Variants in ADK observed in about 807,000 individuals in gnomAD.
ADK encodes the protein adenosine kinase, also known as N6,N6-dimethyladenosine kinase.
In ADK, 24 loss-of-function variants were observed where a neutral mutation model predicts 44.7. That is an observed-to-expected ratio of 0.54 (90% confidence interval 0.39 to 0.76). The LOEUF (loss-of-function observed/expected upper bound fraction) is 0.76, where lower values mean the gene tolerates loss of function less well. Ranked by LOEUF, ADK falls within the 30% of genes least tolerant of loss-of-function variation. The pLI is 0.00. For synonymous variants in ADK, 128 were observed against 142.6 expected (o/e 0.90, Z 0.73); for missense variants, 321 against 425.1 (o/e 0.76, Z 2.15).
At chr10:74,543,063 G>C (rs1589232990) in intron 7 of ADK, among the ~76,000 whole-genome samples, 1 of 151,802 alleles carries the variant, frequency 6.6e-6, no homozygotes, top group Non-Finnish European at 1.5e-5. Flanking sequence ...ACCACCCACG[G>C]TTAATTTTTT....
At chr10:74,254,979 G>A (rs1845775757) in intron 3 of ADK, among the ~76,000 whole-genome samples, 1 of 152,104 alleles carries the variant, frequency 6.6e-6, no homozygotes, top group Admixed American at 6.5e-5. Context: ...TATGTTGATG[G>A]TCAAAGTGAA....
rs143622006 is a variant in ADK, at chr10:74,413,039, CAA to C, written c.555+14461_555+14462del. Reference sequence around the variant, plus strand: ...CGCCATTGCACTCCAGCCTGGGTGACAAGAGTGAAACTGTCCCCAAAAAAAAA... The same window carrying C: ...CGCCATTGCACTCCAGCCTGGGTGACGAGTGAAACTGTCCCCAAAAAAAAA... On this transcript the variant is annotated intron_variant, in intron 6 of 10. Transcript: ENST00000539909. Among the ~76,000 whole-genome samples, 847 of 151,300 alleles carry C rather than the reference CAA, an allele frequency of 5.6e-3. 7 individuals carry two copies. Among genetic ancestry groups the C allele is most frequent in the African/African-American group, 0.018 (730 of 41,190 alleles).
chr10:74,217,987 A>G (rs1844130622), intron 2 of ADK, among the ~76,000 whole-genome samples: 2 of 152,248 alleles, frequency 1.3e-5, no homozygotes, highest in African/African-American at 4.8e-5. Flanking sequence ...AAAGGATCGC[A>G]GTTCCTCACC....
intron 2 of ADK, among the ~76,000 whole-genome samples, chr10:74,202,861 C>A (rs1305255676): frequency 6.6e-6 from 1 of 152,202 alleles, no homozygotes; most frequent in Non-Finnish European, 1.5e-5. Context: ...TAGACCCTAT[C>A]AGCTAGCATA....
chr10:74,368,158 G>A (rs545475769), intron 4 of ADK, among the ~76,000 whole-genome samples: 1 of 152,308 alleles, frequency 6.6e-6, no homozygotes, highest in South Asian at 2.1e-4. Context: ...GGCAGAACCT[G>A]TTGTCTAGGT....
chr10:74,207,200 C>T (rs907483614), intron 2 of ADK, among the ~76,000 whole-genome samples: 7 of 152,064 alleles, frequency 4.6e-5, no homozygotes, highest in East Asian at 3.9e-4. Flanking sequence ...CACGTCTGGA[C>T]GAGGATAATA....
intron 6 of ADK, among the ~76,000 whole-genome samples, chr10:74,430,702 A>G (rs1170508107): frequency 6.6e-6 from 1 of 152,098 alleles, no homozygotes; most frequent in African/African-American, 2.4e-5. Flanking sequence ...ATAGTAGGGA[A>G]TAAATAGTAG....
intron 9 of ADK, among the ~76,000 whole-genome samples, chr10:74,640,197 A>C (rs1373711441): frequency 2.6e-5 from 4 of 152,222 alleles, no homozygotes; most frequent in Non-Finnish European, 5.9e-5. Context: ...GATCGGTAGC[A>C]GCAGGGACTA....
At chr10:74,661,600 A>G (rs1332592464) in intron 9 of ADK, among the ~76,000 whole-genome samples, 1 of 152,202 alleles carries the variant, frequency 6.6e-6, no homozygotes, top group Non-Finnish European at 1.5e-5. Context: ...AAATGGCTAG[A>G]TCCCACCCAT....
intron 7 of ADK, among the ~76,000 whole-genome samples, chr10:74,571,918 C>A (rs1311508472): frequency 6.6e-6 from 1 of 152,154 alleles, no homozygotes; most frequent in Non-Finnish European, 1.5e-5. Context: ...AGATGGGTTT[C>A]CTGAATACAG....
chr10:74,419,332 A>C (rs916838456), intron 6 of ADK, among the ~76,000 whole-genome samples: 6 of 152,000 alleles, frequency 3.9e-5, no homozygotes, highest in Non-Finnish European at 5.9e-5. Context: ...TCCCCCCCCC[A>C]AAAATCCCTT....
At chr10:74,357,397 A>G (rs1842180700) in intron 4 of ADK, among the ~76,000 whole-genome samples, 2 of 151,562 alleles carry the variant, frequency 1.3e-5, no homozygotes, top group African/African-American at 4.8e-5. Context: ...CGAACTTTCA[A>G]ACTCCATGGG....
At chr10:74,254,319 C>T (rs2132347110) in intron 3 of ADK, among the ~76,000 whole-genome samples, 1 of 152,112 alleles carries the variant, frequency 6.6e-6, no homozygotes, top group East Asian at 1.9e-4. Context: ...TTTCTCATTC[C>T]AGATATTTAC....
At chr10:74,230,648 T>A in intron 3 of ADK, among the ~76,000 whole-genome samples, 1 of 151,722 alleles carries the variant, frequency 6.6e-6, no homozygotes, top group Non-Finnish European at 1.5e-5. Context: ...CAAAGTGTTA[T>A]GATTACAGGC....
At chr10:74,304,603 A>G (rs1301571901) in intron 3 of ADK, among the ~76,000 whole-genome samples, 2 of 152,200 alleles carry the variant, frequency 1.3e-5, no homozygotes, top group African/African-American at 4.8e-5. Context: ...TTTACAATGG[A>G]TAAAATTGTG....
chr10:74,665,775 G>C (rs868490946), intron 9 of ADK, among the ~76,000 whole-genome samples: 3 of 146,322 alleles, frequency 2.1e-5, no homozygotes, highest in Admixed American at 6.8e-5. Flanking sequence ...GAGAGAGAGA[G>C]AGAGAGACAG....
intron 4 of ADK, among the ~76,000 whole-genome samples, chr10:74,320,054 A>G (rs1405868064): frequency 1.3e-5 from 2 of 152,186 alleles, no homozygotes; most frequent in Admixed American, 1.3e-4. Context: ...TACTTTTACC[A>G]GAGTTCTTTA....
chr10:74,270,844 G>A (rs920733143), intron 3 of ADK, among the ~76,000 whole-genome samples: 13 of 152,178 alleles, frequency 8.5e-5, no homozygotes, highest in African/African-American at 2.4e-4. Context: ...TAGGCTTAAG[G>A]CCCTTTAAAT....
intron 8 of ADK, among the ~76,000 whole-genome samples, chr10:74,595,763 AAGGT>A (rs1851899461): frequency 8.0e-6 from 1 of 124,576 alleles, no homozygotes; most frequent in South Asian, 3.2e-4. Context: ...TTGGGAGGCC[AAGGT>A]GGGTGGATCA....
Sources: allele counts gnomAD v4.1 joint callset (sites outside exome capture counted in the v4.1 genomes callset), GRCh38; gene constraint gnomAD v4.1.1; transcripts MANE v1.5; gene names NCBI Gene and HGNC (gene_info 2026-07-23, HGNC 2026-07-21).